The following CRADD variants were observed in gnomAD, a reference collection of about 807,000 sequenced individuals.
CRADD encodes the protein CARD and death domain containing adaptor protein.
Under a neutral mutation model 15.5 loss-of-function variants are expected in CRADD, and 9 were observed. The ratio of observed to expected loss-of-function variants is 0.58; its 90% CI spans 0.35 to 1.01. The LOEUF is 1.01. Ranked by LOEUF, CRADD falls within the 50% of genes least tolerant of loss-of-function variation. The pLI, the probability that CRADD is intolerant of heterozygous loss-of-function variation, is 0.02. For missense variants in CRADD, 227 were observed against 250.3 expected, an observed-to-expected ratio of 0.91 and a Z score of 0.63; for synonymous variants, 118 against 107.6, an observed-to-expected ratio of 1.10 and a Z score of -0.60.
chr12:93,761,869 C>G (rs10507026), intron 2 of CRADD, among the ~76,000 whole-genome samples: 60,169 of 151,996 alleles, frequency 0.4, 13,195 homozygotes, highest in East Asian at 0.8. Context: ...GGATTTCTTT[C>G]GATTTTTCAG....
downstream of CRADD, among the ~76,000 whole-genome samples, chr12:93,853,029 A>G (rs990418330): frequency 9.9e-5 from 15 of 152,120 alleles, no homozygotes; most frequent in East Asian, 3.8e-4. Context: ...GTACATCCCA[A>G]TTTTTATCCC....
chr12:93,814,797 A>G (rs138557976), intron 2 of CRADD, among the ~76,000 whole-genome samples: 113 of 152,350 alleles, frequency 7.4e-4, no homozygotes, highest in African/African-American at 2.3e-3. Flanking sequence ...AGAGCCAACA[A>G]GGATGCGTGA....
intron 2 of CRADD, among the ~76,000 whole-genome samples, chr12:93,680,568 G>A (rs764489239): frequency 3.6e-4 from 55 of 152,280 alleles, no homozygotes; most frequent in Middle Eastern, 6.8e-3. Flanking sequence ...GACATAGCTG[G>A]CTTTTGAGGA....
chr12:93,701,190 A>C (rs1955837327), intron 2 of CRADD, among the ~76,000 whole-genome samples: 2 of 152,160 alleles, frequency 1.3e-5, no homozygotes. Flanking sequence ...AACATTTAAC[A>C]GAAAACCCAA....
intron 2 of CRADD, among the ~76,000 whole-genome samples, chr12:93,798,112 G>T (rs1190840785): frequency 6.6e-6 from 1 of 152,154 alleles, no homozygotes; most frequent in Non-Finnish European, 1.5e-5. Context: ...GCAAAATCCC[G>T]CTGCTCCTCC....
At chr12:93,797,376 G>A (rs962098657) in intron 2 of CRADD, among the ~76,000 whole-genome samples, 1 of 152,120 alleles carries the variant, frequency 6.6e-6, no homozygotes, top group African/African-American at 2.4e-5. Flanking sequence ...GATTTCAGGG[G>A]GTGAACTTGG....
At position 93,850,700 on chromosome 12, in the gene CRADD, A is replaced by G. The variant is rs757691861; in HGVS notation, c.*429A>G. 1.0e-6 allele frequency: 1 copy of G among 984,362 alleles called. No individual in the cohort carries two copies. The highest frequency in any genetic ancestry group is 1.2e-6 in the Non-Finnish European group (1 of 829,002). 61.0% of individuals were successfully genotyped at this position (984,362 alleles called of 1,614,324 possible). A position where few individuals can be genotyped will look rare whatever the true frequency, so the allele number is the denominator to read the frequency against. On this transcript the variant is annotated 3_prime_UTR_variant, in exon 3 of 3. Transcript: ENST00000332896. This position sits in a 1 kb window ranked among gnomAD's most constrained non-coding sequence, Gnocchi z 4.0. Reference sequence around the variant, plus strand: ...CTGAACTGTGGACTTTACTATTCATAATGATAAAATAATAAAATGCGAATT... The same window carrying G: ...CTGAACTGTGGACTTTACTATTCATGATGATAAAATAATAAAATGCGAATT...
At chr12:93,880,513 C>CT (rs1216038823) in intron 2 of CRADD, among the ~76,000 whole-genome samples, 1 of 152,152 alleles carries the variant, frequency 6.6e-6, no homozygotes, top group East Asian at 1.9e-4. Context: ...AGCTCACCGT[C>CT]TTGCTTTTTC....
intron 2 of CRADD, among the ~76,000 whole-genome samples, chr12:93,856,854 C>A (rs116394346): frequency 2.0e-3 from 305 of 152,240 alleles, no homozygotes; most frequent in African/African-American, 6.4e-3. Context: ...CTAAAACTCC[C>A]ACATATTCAA....
chr12:93,753,297 G>A (rs1176490442), intron 2 of CRADD, among the ~76,000 whole-genome samples: 2 of 152,146 alleles, frequency 1.3e-5, no homozygotes, highest in Non-Finnish European at 1.5e-5. Flanking sequence ...CCCATTACAT[G>A]TGAGGATTAT....
chr12:93,718,277 T>C (rs184316802), intron 2 of CRADD, among the ~76,000 whole-genome samples: 2,590 of 152,314 alleles, frequency 0.017, 24 homozygotes, highest in Non-Finnish European at 0.026. Context: ...ATTTTGACAG[T>C]GTTGAGTCCA....
intron 2 of CRADD, among the ~76,000 whole-genome samples, chr12:93,693,750 A>G (rs1415477520): frequency 6.6e-6 from 1 of 152,106 alleles, no homozygotes; most frequent in African/African-American, 2.4e-5. Context: ...AAATGGACCT[A>G]ACAGACATTT....
At chr12:93,814,236 A>G (rs1307423791) in intron 2 of CRADD, among the ~76,000 whole-genome samples, 1 of 151,956 alleles carries the variant, frequency 6.6e-6, no homozygotes, top group Non-Finnish European at 1.5e-5. Flanking sequence ...TACACACACT[A>G]TGTCCGCTAT....
intron 2 of CRADD, among the ~76,000 whole-genome samples, chr12:93,764,706 T>A (rs1336279874): frequency 1.4e-5 from 2 of 145,086 alleles, no homozygotes; most frequent in Non-Finnish European, 3.0e-5. Context: ...GTGGAACGCT[T>A]TGTGGTATTT....
exon 3 of CRADD, chr12:93,894,713 C>T (rs567616838): frequency 2.6e-5 from 4 of 153,158 alleles, no homozygotes; most frequent in Non-Finnish European, 5.8e-5. Flanking sequence ...GCCCACAGCC[C>T]CCGCCAGCTG....
intron 2 of CRADD, among the ~76,000 whole-genome samples, chr12:93,785,014 G>A (rs1457439601): frequency 4.0e-5 from 6 of 151,802 alleles, no homozygotes; most frequent in Non-Finnish European, 1.5e-5. Flanking sequence ...TCAAAAGAAT[G>A]ATATTTTGAC....
chr12:93,705,718 G>A (rs1433473687), intron 2 of CRADD, among the ~76,000 whole-genome samples: 1 of 152,118 alleles, frequency 6.6e-6, no homozygotes, highest in African/African-American at 2.4e-5. Context: ...AGCTGTTGAT[G>A]TTCTCACTTA....
intron 2 of CRADD, among the ~76,000 whole-genome samples, chr12:93,687,110 C>T (rs867048963): frequency 3.3e-5 from 5 of 152,046 alleles, no homozygotes; most frequent in Admixed American, 6.5e-5. Flanking sequence ...AAAGGAAAAG[C>T]GGAAGACTTT....
intron 2 of CRADD, among the ~76,000 whole-genome samples, chr12:93,721,199 G>T (rs1956255176): frequency 6.6e-6 from 1 of 152,004 alleles, no homozygotes; most frequent in South Asian, 2.1e-4. Flanking sequence ...CAAAGTGCTG[G>T]GATTAACAGA....
Sources: gnomAD v4.1 joint callset for allele counts (sites outside exome capture counted in the v4.1 genomes callset) on GRCh38, gnomAD v4.1.1 for gene constraint, Gnocchi (gnomAD v3.1) non-coding constraint, MANE v1.5 for transcripts, NCBI Gene and HGNC (gene_info 2026-07-23, HGNC 2026-07-21) for gene names.